EPS8: variants seen among roughly 807,000 people sequenced by gnomAD.
EPS8 encodes epidermal growth factor receptor kinase substrate 8.
EPS8 carries 42 observed loss-of-function variants against 103.8 expected under a neutral mutation model. That is an observed-to-expected ratio of 0.40 (90% CI 0.32 to 0.52). EPS8 has a LOEUF of 0.52. Ranked by LOEUF, EPS8 falls within the 20% of genes least tolerant of loss-of-function variation. The pLI is 0.40. For missense variants in EPS8, 969 were observed against 1,005.1 expected (o/e 0.96, Z 0.49); for synonymous variants, 344 against 344.6 (o/e 1.00, Z 0.02).
At chr12:15,655,844 A>G (rs1290780747) in intron 12 of EPS8, among the ~76,000 whole-genome samples, 1 of 152,214 alleles carries the variant, frequency 6.6e-6, no homozygotes, top group Admixed American at 6.5e-5. Flanking sequence ...GTGTAAAGCC[A>G]CTACATCATG....
At chr12:15,647,036 G>A (rs1251012835) in intron 15 of EPS8, 91 bp downstream of exon 15, 1 of 1,210,870 alleles carries the variant, frequency 8.3e-7, no homozygotes, top group Non-Finnish European at 1.1e-6. Flanking sequence ...GTTTAAAGAA[G>A]CAGTAGACAA....
At position 15,702,855 on chromosome 12, in the gene EPS8, A is replaced by T. The variant is rs1366335780; in HGVS notation, c.-21-19883T>A. Among the ~76,000 whole-genome samples, 4 of 152,238 alleles carry T rather than the reference A, an allele frequency of 2.6e-5. No individual in the cohort carries two copies. The highest frequency in any genetic ancestry group is 9.6e-5 in the African/African-American group (4 of 41,472). On this transcript the variant is annotated intron_variant, in intron 1 of 20. Transcript: ENST00000281172. This position sits in a 1 kb window ranked among gnomAD's most constrained non-coding sequence, Gnocchi z 5.1. ...TCAATAGAGTGAGCAAAACCACATAATAAGTTCATTCGAGGCTGGGCGCGG... is the reference window on the plus strand; with the variant it reads ...TCAATAGAGTGAGCAAAACCACATATTAAGTTCATTCGAGGCTGGGCGCGG...
intron 1 of EPS8, chr12:15,732,876 T>C (rs1399285822): frequency 3.2e-6 from 1 of 314,658 alleles, no homozygotes; most frequent in African/African-American, 2.3e-5. Context: ...CCTCGGTCAT[T>C]ATGCAAGGAA....
chr12:15,723,802 T>C (rs888282304), intron 1 of EPS8, among the ~76,000 whole-genome samples: 1 of 152,168 alleles, frequency 6.6e-6, no homozygotes. Context: ...TGATCAACTT[T>C]TAAGTAAAGT....
rs1946662372 is a variant in EPS8 at position 15,727,197 on chromosome 12, C to A, written c.-21-44225G>T. Among the ~76,000 whole-genome samples, 1 of 152,134 alleles carries A rather than the reference C, an allele frequency of 6.6e-6. No individual in the cohort carries two copies. ...TAAATTTTTTACAAAGCCTGGGCAC[C>A]TGGGGTTCTGATTACTTCCCTCGTG... is the stretch of plus-strand genomic sequence containing the variant. On this transcript the variant is annotated intron_variant, in intron 1 of 20. Transcript: ENST00000281172. This position sits in a 1 kb window ranked among gnomAD's most constrained non-coding sequence, Gnocchi z 4.3.
At chr12:15,645,836 A>C (rs1945310749) in intron 15 of EPS8, among the ~76,000 whole-genome samples, 1 of 152,174 alleles carries the variant, frequency 6.6e-6, no homozygotes, top group Admixed American at 6.5e-5. Flanking sequence ...GAACCTGATA[A>C]AAGTTTTCTA....
intron 1 of EPS8, among the ~76,000 whole-genome samples, chr12:15,741,819 C>T (rs980483851): frequency 6.6e-6 from 1 of 152,020 alleles, no homozygotes; most frequent in Non-Finnish European, 1.5e-5. Context: ...CCCATTAACT[C>T]GTCATTTACA....
At chr12:15,683,746 C>T (rs976901499) in intron 1 of EPS8, 1 of 151,308 alleles carries the variant, frequency 6.6e-6, no homozygotes, top group East Asian at 1.9e-4. Context: ...AATGGAATGG[C>T]CTTTTCTTTC....
chr12:15,772,236 C>A lies in EPS8; in HGVS notation c.-22+16925G>T, dbSNP rs1266237773. Among the ~76,000 whole-genome samples the A allele has an allele frequency of 1.3e-5, 2 of 151,846 alleles. No homozygotes were observed. Among genetic ancestry groups the A allele is most frequent in the Non-Finnish European group, 2.9e-5 (2 of 67,996 alleles). ...GGTTGTCATTTGGATAAAAGTCACT[C>A]CAAGTAGAGAGACAGAAAGAGATGA... On this transcript the variant is annotated intron_variant, in intron 1 of 20. Transcript: ENST00000281172. The surrounding 1 kb of genome is among the most constrained non-coding windows in gnomAD (Gnocchi z 5.0).
intron 17 of EPS8, among the ~76,000 whole-genome samples, chr12:15,635,435 A>G (rs1471585077): frequency 6.6e-6 from 1 of 152,196 alleles, no homozygotes; most frequent in Non-Finnish European, 1.5e-5. Context: ...TTAATTTTTA[A>G]AAAACACTTT....
intron 1 of EPS8, among the ~76,000 whole-genome samples, chr12:15,718,388 G>A (rs1026357650): frequency 6.6e-6 from 1 of 152,114 alleles, no homozygotes; most frequent in Non-Finnish European, 1.5e-5. Context: ...GAAAAATTAT[G>A]AGTCACTATG....
intron 1 of EPS8, among the ~76,000 whole-genome samples, chr12:15,708,436 A>G (rs764747445): frequency 6.6e-6 from 1 of 152,208 alleles, no homozygotes; most frequent in Non-Finnish European, 1.5e-5. Flanking sequence ...CAAGCCTTGC[A>G]TGTAAATTAT....
At position 15,760,832 on chromosome 12, in the gene EPS8, C is replaced by T. The variant is rs1366259804; in HGVS notation, c.-22+28329G>A. 1.3e-5 allele frequency among the ~76,000 whole-genome samples: 2 copies of T among 152,126 alleles called. No homozygotes were observed. The highest frequency in any genetic ancestry group is 2.9e-5 in the Non-Finnish European group (2 of 67,984). The stretch of plus-strand genomic sequence containing the variant: ...ATAAAAGCCATATATGACAGTCCCA[C>T]AACTAGTATCATATTGAATGGGGAA... On this transcript the variant is annotated intron_variant, in intron 1 of 20. Transcript: ENST00000281172. This position sits in a 1 kb window ranked among gnomAD's most constrained non-coding sequence, Gnocchi z 4.5.
chr12:15,767,243 G>T lies in EPS8; in HGVS notation c.-22+21918C>A, dbSNP rs1947107797. Among the ~76,000 whole-genome samples the T allele has an allele frequency of 6.6e-6, 1 of 152,124 alleles. No individual in the cohort carries two copies. Among genetic ancestry groups the T allele is most frequent in the African/African-American group, 2.4e-5 (1 of 41,410 alleles). On this transcript the variant is annotated intron_variant, in intron 1 of 20. Coordinates refer to ENST00000281172, the MANE Select transcript of EPS8 (RefSeq NM_004447.6). This position sits in a 1 kb window ranked among gnomAD's most constrained non-coding sequence, Gnocchi z 5.5. ...TAATAAGAAGTTTACAAATTGGAAG[G>T]TAAATTAAATATGGACAGAACAACA...
At chr12:15,724,593 A>C (rs925520650) in intron 1 of EPS8, among the ~76,000 whole-genome samples, 3 of 152,202 alleles carry the variant, frequency 2.0e-5, no homozygotes, top group African/African-American at 7.2e-5. Context: ...TCCCCACCGG[A>C]ATCTCATCTT....
At position 15,654,140 on chromosome 12, in the gene EPS8, C is replaced by T; in HGVS notation, c.1250+5G>A. The stretch of plus-strand genomic sequence containing the variant: ...CTTAAGGCATTATAGGTGGTAAATG[C>T]TTACCTGGCTTTCATCCAAGTTCCT... On this transcript the variant is annotated splice_donor_5th_base_variant and intron_variant, in intron 13 of 20. Coordinates refer to ENST00000281172, the MANE Select transcript of EPS8 (RefSeq NM_004447.6). 1 of 1,613,180 alleles carries T rather than the reference C, an allele frequency of 6.2e-7. No homozygotes were observed. Among genetic ancestry groups the T allele is most frequent in the Non-Finnish European group, 8.5e-7 (1 of 1,179,320 alleles).
intron 8 of EPS8, among the ~76,000 whole-genome samples, chr12:15,664,281 T>C: frequency 6.6e-6 from 1 of 150,982 alleles, no homozygotes; most frequent in East Asian, 1.9e-4. Flanking sequence ...CTCTGTTAAT[T>C]AATTTTTTTT....
intron 1 of EPS8, among the ~76,000 whole-genome samples, chr12:15,723,000 T>A (rs1227968514): frequency 6.6e-6 from 1 of 150,812 alleles, no homozygotes; most frequent in Admixed American, 6.6e-5. Context: ...GGATATCACT[T>A]GTTTGAAAAA....
intron 18 of EPS8, among the ~76,000 whole-genome samples, chr12:15,624,922 G>A (rs186501005): frequency 1.3e-5 from 2 of 152,254 alleles, no homozygotes; most frequent in African/African-American, 2.4e-5. Context: ...GTAGAAGCCT[G>A]GGATGCACAC....
Sources: allele counts gnomAD v4.1 joint callset (sites outside exome capture counted in the v4.1 genomes callset), GRCh38; gene constraint gnomAD v4.1.1; non-coding constraint Gnocchi (gnomAD v3.1); transcripts MANE v1.5; gene names NCBI Gene and HGNC (gene_info 2026-07-23, HGNC 2026-07-21).